The following NR3C2 variants were observed in gnomAD, a reference collection of about 807,000 sequenced individuals.
The protein encoded by NR3C2 is nuclear receptor subfamily 3 group C member 2.
In NR3C2, 15 loss-of-function variants were observed where a neutral mutation model predicts 86.4. That is an observed-to-expected ratio of 0.17 (90% confidence interval 0.12 to 0.27). The LOEUF (loss-of-function observed/expected upper bound fraction) is 0.27. NR3C2 is among the 10% of genes least tolerant of loss of function. The pLI is 1.00. For synonymous variants in NR3C2, 458 were observed against 450.5 expected (o/e 1.02, Z -0.21); for missense variants, 960 against 1,195.6 (o/e 0.80, Z 2.91).
chr4:148,188,787 C>G (rs1011466949), intron 4 of NR3C2, among the ~76,000 whole-genome samples: 4 of 152,074 alleles, frequency 2.6e-5, no homozygotes, highest in African/African-American at 9.7e-5. Flanking sequence ...GGAGTGGTGA[C>G]AGTGGGCATC....
intron 2 of NR3C2, among the ~76,000 whole-genome samples, chr4:148,415,987 A>T (rs1748974804): frequency 6.6e-6 from 1 of 152,230 alleles, no homozygotes; most frequent in Admixed American, 6.5e-5. Flanking sequence ...AGAATAAAAT[A>T]TACACATACG....
chr4:148,106,931 T>G lies in NR3C2; in HGVS notation c.2799+7173A>C, dbSNP rs906604058. On this transcript the variant is annotated intron_variant, in intron 8 of 8. Coordinates refer to ENST00000358102, the MANE Select transcript of NR3C2 (RefSeq NM_000901.5). ...CCTAGAAGAAAACCTAGGCAATACC[T>G]TGCAGGACATAGGCATGGGCAAAGA... 2.6e-5 allele frequency among the ~76,000 whole-genome samples: 4 copies of G among 152,098 alleles called. No individual in the cohort carries two copies. In the South Asian group the frequency reaches 8.3e-4, roughly 32 times the overall value.
chr4:148,394,374 GA>G (rs139100024), intron 2 of NR3C2, among the ~76,000 whole-genome samples: 8 of 145,742 alleles, frequency 5.5e-5, no homozygotes, highest in East Asian at 4.0e-4. Flanking sequence ...GTACTATCTT[GA>G]AAAAAAAAAC....
chr4:148,413,955 A>C (rs778056348), intron 2 of NR3C2, among the ~76,000 whole-genome samples: 7 of 152,178 alleles, frequency 4.6e-5, no homozygotes, highest in Non-Finnish European at 1.0e-4. Flanking sequence ...TTCTAATTAT[A>C]TATCCTAGAG....
rs995094484 is a variant in NR3C2 at position 148,323,315 on chromosome 4, G to A, written c.1758-63198C>T. ...GACAGGGACATTTAAGTCTGCAGAG[G>A]TTACTGCTGTCTTTTTGTTTGTCTG... On this transcript the variant is annotated intron_variant, in intron 2 of 8. Coordinates refer to ENST00000358102, the MANE Select transcript of NR3C2 (RefSeq NM_000901.5). 5.7e-4 allele frequency among the ~76,000 whole-genome samples: 84 copies of A among 147,978 alleles called. 1 individual carries two copies. The highest frequency in any genetic ancestry group is 1.1e-3 in the Non-Finnish European group (72 of 67,374).
chr4:148,317,220 T>C (rs903646917), intron 2 of NR3C2, among the ~76,000 whole-genome samples: 1 of 152,058 alleles, frequency 6.6e-6, no homozygotes, highest in Non-Finnish European at 1.5e-5. Context: ...AAAAAAGACA[T>C]GGCACATGCC....
At chr4:148,259,101 G>T (rs534471225) in intron 3 of NR3C2, among the ~76,000 whole-genome samples, 3 of 152,130 alleles carry the variant, frequency 2.0e-5, no homozygotes, top group Admixed American at 2.0e-4. Context: ...AAACATTCAA[G>T]CCACTTATGT....
chr4:148,382,245 A>G (rs1428837421), intron 2 of NR3C2, among the ~76,000 whole-genome samples: 1 of 152,190 alleles, frequency 6.6e-6, no homozygotes, highest in Non-Finnish European at 1.5e-5. Flanking sequence ...ATCTCTAATG[A>G]GTTAGTTATT....
At position 148,169,088 on chromosome 4, in the gene NR3C2, G is replaced by A. The variant is rs542564181; in HGVS notation, c.2015-14187C>T. Among the ~76,000 whole-genome samples the A allele has an allele frequency of 6.6e-5, 10 of 152,162 alleles. No homozygotes were observed. The East Asian group carries it at 9.7e-4, about 15-fold the overall frequency. The stretch of plus-strand genomic sequence containing the variant: ...GAAGCCCCTGAAGGCAGGTCACTAC[G>A]GTGGCATAAACATCAGTTTTTTCTA... On this transcript the variant is annotated intron_variant, in intron 4 of 8. Coordinates refer to ENST00000358102, the MANE Select transcript of NR3C2 (RefSeq NM_000901.5).
chr4:148,287,018 C>T (rs895682902), intron 2 of NR3C2, among the ~76,000 whole-genome samples: 1 of 152,156 alleles, frequency 6.6e-6, no homozygotes, highest in Admixed American at 6.6e-5. Context: ...AATGAAAGCC[C>T]CACATAATGT....
At chr4:148,393,341 T>C (rs150767503) in intron 2 of NR3C2, among the ~76,000 whole-genome samples, 1 of 152,322 alleles carries the variant, frequency 6.6e-6, no homozygotes, top group Non-Finnish European at 1.5e-5. Context: ...GTGCAAAGCT[T>C]TGTGAAAATG....
intron 2 of NR3C2, among the ~76,000 whole-genome samples, chr4:148,405,860 T>C (rs756742291): frequency 6.6e-6 from 1 of 151,866 alleles, no homozygotes; most frequent in Non-Finnish European, 1.5e-5. Context: ...GTAAGGAGAG[T>C]CAACCAGGCG....
At chr4:148,259,231 C>G (rs903016765) in intron 3 of NR3C2, among the ~76,000 whole-genome samples, 1 of 152,172 alleles carries the variant, frequency 6.6e-6, no homozygotes, top group Non-Finnish European at 1.5e-5. Flanking sequence ...GAATCTTTTA[C>G]TAATAGCAAA....
intron 2 of NR3C2, among the ~76,000 whole-genome samples, chr4:148,401,416 A>C (rs1748154110): frequency 6.6e-6 from 1 of 150,886 alleles, no homozygotes; most frequent in Non-Finnish European, 1.5e-5. Flanking sequence ...TTTGGTCTAA[A>C]TGATGCAAGC....
At chr4:148,191,292 G>A (rs1736184035) in intron 4 of NR3C2, among the ~76,000 whole-genome samples, 1 of 152,164 alleles carries the variant, frequency 6.6e-6, no homozygotes, top group Non-Finnish European at 1.5e-5. Context: ...TTTTGTTTGA[G>A]GAGGCTGAAG....
intron 3 of NR3C2, among the ~76,000 whole-genome samples, chr4:148,202,592 C>T (rs146847742): frequency 6.6e-6 from 1 of 152,200 alleles, no homozygotes; most frequent in Non-Finnish European, 1.5e-5. Context: ...TTATCTTCCA[C>T]CAGCCACTCC....
chr4:148,396,173 T>G (rs1747849467), intron 2 of NR3C2, among the ~76,000 whole-genome samples: 1 of 152,228 alleles, frequency 6.6e-6, no homozygotes, highest in Admixed American at 6.5e-5. Context: ...CTCAGCTCTC[T>G]GGAATAATCC....
chr4:148,101,444 G>C (rs1237597597), intron 8 of NR3C2, among the ~76,000 whole-genome samples: 2 of 152,188 alleles, frequency 1.3e-5, no homozygotes, highest in African/African-American at 4.8e-5. Context: ...GCTGCAAGTG[G>C]AAATGAACAA....
chr4:148,161,066 A>G (rs1161307308), intron 4 of NR3C2, among the ~76,000 whole-genome samples: 1 of 147,430 alleles, frequency 6.8e-6, no homozygotes, highest in Non-Finnish European at 1.5e-5. Context: ...TCCCAATGCA[A>G]TAAACACCAG....
Sources: gnomAD v4.1 joint callset for allele counts (sites outside exome capture counted in the v4.1 genomes callset) on GRCh38, gnomAD v4.1.1 for gene constraint, MANE v1.5 for transcripts, NCBI Gene and HGNC (gene_info 2026-07-23, HGNC 2026-07-21) for gene names.